CTNNA3: variants seen among roughly 807,000 people sequenced by gnomAD.
The protein encoded by CTNNA3 is catenin alpha-3.
CTNNA3 carries 76 observed loss-of-function variants against 95.7 expected under a neutral mutation model. That is an observed-to-expected ratio of 0.79 (90% CI 0.66 to 0.96). The LOEUF is 0.96. Ranked by LOEUF, CTNNA3 falls within the 40% of genes least tolerant of loss-of-function variation. The pLI is 0.00. For missense variants in CTNNA3, 1,191 were observed against 1,089.8 expected, an observed-to-expected ratio of 1.09 and a Z score of -1.31; for synonymous variants, 431 against 374.4, an observed-to-expected ratio of 1.15 and a Z score of -1.74.
chr10:66,139,248 T>C (rs1011518477), intron 13 of CTNNA3, among the ~76,000 whole-genome samples: 4 of 152,214 alleles, frequency 2.6e-5, no homozygotes, highest in Admixed American at 1.3e-4. Flanking sequence ...ACAATTTCCA[T>C]TTATTCACAC....
chr10:66,044,165 C>T (rs6480131), intron 15 of CTNNA3, among the ~76,000 whole-genome samples: 117,861 of 151,984 alleles, frequency 0.78, 46,164 homozygotes, highest in South Asian at 0.91. Context: ...CGGCTAATTG[C>T]ATCTTTAGTA....
At chr10:66,320,085 C>T (rs1418041383) in intron 12 of CTNNA3, among the ~76,000 whole-genome samples, 4 of 152,046 alleles carry the variant, frequency 2.6e-5, no homozygotes, top group Non-Finnish European at 5.9e-5. Flanking sequence ...TGAGCTTTTA[C>T]GCAGCATTGC....
At chr10:67,410,005 G>T (rs891219322) in intron 5 of CTNNA3, among the ~76,000 whole-genome samples, 3 of 152,070 alleles carry the variant, frequency 2.0e-5, no homozygotes, top group African/African-American at 7.2e-5. Flanking sequence ...TCCCATTACT[G>T]AGTATATACC....
At chr10:67,214,111 C>G (rs1341674407) in intron 6 of CTNNA3, among the ~76,000 whole-genome samples, 1 of 151,552 alleles carries the variant, frequency 6.6e-6, no homozygotes, top group Admixed American at 6.6e-5. Flanking sequence ...TTTAGGTTTC[C>G]TTTTTACATT....
At chr10:67,414,108 A>G (rs2132847553) in intron 5 of CTNNA3, among the ~76,000 whole-genome samples, 1 of 152,260 alleles carries the variant, frequency 6.6e-6, no homozygotes, top group African/African-American at 2.4e-5. Flanking sequence ...AATGAAATTG[A>G]GATGCAATAA....
At chr10:66,275,974 G>A (rs2091387419) in intron 13 of CTNNA3, among the ~76,000 whole-genome samples, 2 of 152,108 alleles carry the variant, frequency 1.3e-5, no homozygotes, top group African/African-American at 4.8e-5. Flanking sequence ...CCCAAAGATT[G>A]GATTGTTATA....
intron 14 of CTNNA3, among the ~76,000 whole-genome samples, chr10:66,075,000 A>G (rs2080521800): frequency 6.6e-6 from 1 of 151,818 alleles, no homozygotes; most frequent in Non-Finnish European, 1.5e-5. Context: ...TTCATTGTCA[A>G]CCACATTTAC....
intron 7 of CTNNA3, among the ~76,000 whole-genome samples, chr10:66,950,664 T>A (rs1848492765): frequency 6.6e-6 from 1 of 152,160 alleles, no homozygotes; most frequent in South Asian, 2.1e-4. Flanking sequence ...ATTAGAAATA[T>A]AAAAGCATCA....
intron 3 of CTNNA3, among the ~76,000 whole-genome samples, chr10:67,566,187 A>G (rs1302859411): frequency 8.6e-5 from 12 of 139,584 alleles, no homozygotes; most frequent in Admixed American, 3.6e-4. Context: ...TAATTAAACT[A>G]AAGAGCTTCT....
chr10:67,609,039 G>A (rs1382081175), intron 2 of CTNNA3, among the ~76,000 whole-genome samples: 2 of 124,434 alleles, frequency 1.6e-5, no homozygotes, highest in African/African-American at 3.3e-5. Context: ...GCGGTGAGCC[G>A]AAATCACGCC....
At chr10:66,287,102 A>G (rs894960773) in intron 12 of CTNNA3, among the ~76,000 whole-genome samples, 1 of 151,990 alleles carries the variant, frequency 6.6e-6, no homozygotes, top group Non-Finnish European at 1.5e-5. Flanking sequence ...TGTCTCTTGG[A>G]CACGCTAATG....
rs566041977 is a variant in CTNNA3 at position 66,958,918 on chromosome 10, G to T, written c.1048-183394C>A. Among the ~76,000 whole-genome samples the T allele has an allele frequency of 2.6e-5, 4 of 152,236 alleles. No homozygotes were observed. In the East Asian group the frequency reaches 7.7e-4, roughly 29 times the overall value. On this transcript the variant is annotated intron_variant, in intron 7 of 17. Transcript: ENST00000433211. ...TCATGAAAGTTCCCTTTATAGGTCA[G>T]ATATCATTTAACTTGTCCAAGTAGT...
chr10:66,325,070 A>G lies in CTNNA3; in HGVS notation c.1733-44449T>C, dbSNP rs750103327. On this transcript the variant is annotated intron_variant, in intron 12 of 17. Coordinates refer to ENST00000433211, the MANE Select transcript of CTNNA3 (RefSeq NM_013266.4). ...AGAGAGGAGGGAGCTACACAGAGGAAGAATTTTAGAAATCACCACAGAAAT... is the reference window on the plus strand; with the variant it reads ...AGAGAGGAGGGAGCTACACAGAGGAGGAATTTTAGAAATCACCACAGAAAT... Among the ~76,000 whole-genome samples the G allele has an allele frequency of 3.0e-4, 45 of 151,930 alleles. 1 individual carries two copies. The highest frequency in any genetic ancestry group is 1.6e-4 in the Non-Finnish European group (11 of 67,944).
chr10:66,470,341 G>A (rs910039012), intron 11 of CTNNA3, among the ~76,000 whole-genome samples: 5 of 151,830 alleles, frequency 3.3e-5, no homozygotes, highest in Admixed American at 2.6e-4. Context: ...TAATTGCAAG[G>A]AGTCAACATG....
At chr10:67,679,809 T>C (rs1372372803) in intron 1 of CTNNA3, among the ~76,000 whole-genome samples, 4 of 152,216 alleles carry the variant, frequency 2.6e-5, no homozygotes, top group Non-Finnish European at 5.9e-5. Flanking sequence ...TAAAATCTCT[T>C]TGAAAAGCAT....
chr10:66,818,543 C>T (rs7099927), intron 7 of CTNNA3, among the ~76,000 whole-genome samples: 3,928 of 152,112 alleles, frequency 0.026, 168 homozygotes, highest in African/African-American at 0.09. Context: ...ACAAATTTAA[C>T]AAAGGAAGTT....
chr10:67,082,020 A>G (rs1857083145), intron 7 of CTNNA3, among the ~76,000 whole-genome samples: 2 of 152,204 alleles, frequency 1.3e-5, no homozygotes, highest in Admixed American at 1.3e-4. Flanking sequence ...TGTTCACAAA[A>G]TAGGAGTACC....
chr10:67,543,416 T>C (rs1436843347), intron 3 of CTNNA3, among the ~76,000 whole-genome samples: 3 of 152,124 alleles, frequency 2.0e-5, no homozygotes, highest in Non-Finnish European at 4.4e-5. Flanking sequence ...CTTTATTTTA[T>C]AAAGCTTCCT....
intron 12 of CTNNA3, among the ~76,000 whole-genome samples, chr10:66,346,233 A>G (rs1304226344): frequency 9.8e-4 from 17 of 17,420 alleles, no homozygotes; most frequent in Admixed American, 6.6e-3. Flanking sequence ...ATATATATAT[A>G]TATATATATA....
Sources: allele counts gnomAD v4.1 joint callset (sites outside exome capture counted in the v4.1 genomes callset), GRCh38; gene constraint gnomAD v4.1.1; transcripts MANE v1.5; gene names NCBI Gene and HGNC (gene_info 2026-07-23, HGNC 2026-07-21).